Variants in TDRD5 observed in about 807,000 individuals in gnomAD.
TDRD5 encodes tudor domain containing 5.
A neutral mutation model predicts 120.6 loss-of-function variants in TDRD5; 41 were observed. The observed-to-expected ratio is 0.34, with a 90% CI of 0.26 to 0.44. The LOEUF is 0.44. TDRD5 is among the 20% of genes least tolerant of loss of function. TDRD5 has a pLI of 1.00. For missense variants in TDRD5, 1,006 were observed against 1,221.2 expected (o/e 0.82, Z 2.63); for synonymous variants, 430 against 433.7 (o/e 0.99, Z 0.11).
intron 17 of TDRD5, among the ~76,000 whole-genome samples, chr1:179,684,291 T>C (rs1680584885): frequency 6.6e-6 from 1 of 152,240 alleles, no homozygotes; most frequent in African/African-American, 2.4e-5. Context: ...AGTGAGAACA[T>C]GTGGTGTTTG....
chr1:179,622,102 T>G (rs1323411502), intron 6 of TDRD5, among the ~76,000 whole-genome samples: 1 of 152,212 alleles, frequency 6.6e-6, no homozygotes, highest in Non-Finnish European at 1.5e-5. Context: ...TTGTGAAGTT[T>G]AAATGACTTA....
chr1:179,620,090 G>T (rs1437933309), intron 5 of TDRD5, among the ~76,000 whole-genome samples: 1 of 152,146 alleles, frequency 6.6e-6, no homozygotes, highest in Non-Finnish European at 1.5e-5. Context: ...TTAAAAACAG[G>T]TTTTATAGAA....
chr1:179,679,912 A>C (rs1369410045), intron 17 of TDRD5, among the ~76,000 whole-genome samples: 1 of 152,064 alleles, frequency 6.6e-6, no homozygotes, highest in Non-Finnish European at 1.5e-5. Flanking sequence ...TTGAAACCTT[A>C]GATCATTCAT....
intron 3 of TDRD5, among the ~76,000 whole-genome samples, chr1:179,594,238 A>T (rs1351832450): frequency 6.6e-6 from 1 of 152,240 alleles, no homozygotes; most frequent in Non-Finnish European, 1.5e-5. Flanking sequence ...GAAAATGAAA[A>T]GTTAAAATAC....
chr1:179,648,851 T>C (rs1316880699), intron 11 of TDRD5, among the ~76,000 whole-genome samples: 1 of 152,188 alleles, frequency 6.6e-6, no homozygotes, highest in Non-Finnish European at 1.5e-5. Flanking sequence ...GTCAAACCCT[T>C]CGTCAGGACC....
Position 179,652,183 on chromosome 1 carries a change from G to A in TDRD5, c.2146G>A (p.Glu716Lys), listed in dbSNP as rs1386344607. ...GATAAGTCCACAGTCAAAAGAGAGTGAGTTACGTATCTTGGTAAGAGATTT... is the reference window on the plus strand; with the variant it reads ...GATAAGTCCACAGTCAAAAGAGAGTAAGTTACGTATCTTGGTAAGAGATTT... ...RKISPQSKESELRILQDINDE... is the reference protein window; with the variant it reads ...RKISPQSKESKLRILQDINDE... Residue 716 changes from glutamate (E) to lysine (K), a missense_variant, in exon 13 of 18, where the codon GAG becomes AAG. This residue lies in a region of TDRD5 where 403 missense variants were observed against 448.1 expected (regional missense o/e 0.90). Transcript: ENST00000444136. The A allele has an allele frequency of 6.2e-7, 1 of 1,607,564 alleles. No homozygotes were observed. The highest frequency in any genetic ancestry group is 8.5e-7 in the Non-Finnish European group (1 of 1,178,418).
At chr1:179,600,719 TG>T (rs1441393934) in intron 4 of TDRD5, among the ~76,000 whole-genome samples, 2 of 152,196 alleles carry the variant, frequency 1.3e-5, no homozygotes, top group African/African-American at 2.4e-5. Flanking sequence ...GTTTGGTCAT[TG>T]ATTTTGCTCC....
intron 17 of TDRD5, 33 bp downstream of exon 17, chr1:179,669,437 T>G: frequency 6.2e-7 from 1 of 1,609,730 alleles, no homozygotes; most frequent in East Asian, 2.2e-5. Context: ...ATGCTCACAG[T>G]TGACAAACAT....
intron 17 of TDRD5, among the ~76,000 whole-genome samples, chr1:179,686,620 C>T (rs371272819): frequency 1.3e-5 from 2 of 152,160 alleles, no homozygotes; most frequent in Admixed American, 6.5e-5. Flanking sequence ...AGGAATGGTA[C>T]CAGCTCCTCT....
At position 179,662,070 on chromosome 1, in the gene TDRD5, T is replaced by A. The variant is rs1027263649; in HGVS notation, c.2323-34T>A. Reference sequence around the variant, plus strand: ...TATGTGCTCATATAGGAACTATAAATGATAGTTTTTCTTTGTCTTCTGTTA... The same window carrying A: ...TATGTGCTCATATAGGAACTATAAAAGATAGTTTTTCTTTGTCTTCTGTTA... On this transcript the variant is annotated intron_variant, in intron 14 of 17. Transcript: ENST00000444136. 2.7e-6 allele frequency: 4 copies of A among 1,504,922 alleles called. No homozygotes were observed. In the African/African-American group the frequency reaches 5.7e-5, roughly 22 times the overall value. The allele number at this position is 1,504,922 out of a possible 1,614,324, so 93.2% of individuals were successfully genotyped here. A position where few individuals can be genotyped will look rare whatever the true frequency, so the allele number is the denominator to read the frequency against.
At chr1:179,640,506 A>G in intron 11 of TDRD5, 61 bp downstream of exon 11, 1 of 1,476,444 alleles carries the variant, frequency 6.8e-7, no homozygotes, top group Non-Finnish European at 9.5e-7. Flanking sequence ...TGTGCCAATA[A>G]CAGTTTCACA....
rs143085872 is a variant in TDRD5 at position 179,611,695 on chromosome 1, C to T, written c.832-6904C>T. Among the ~76,000 whole-genome samples, 149 of 152,242 alleles carry T rather than the reference C, an allele frequency of 9.8e-4. 2 individuals are homozygous for T. In the East Asian group the frequency reaches 0.023, roughly 24 times the overall value. On this transcript the variant is annotated intron_variant, in intron 4 of 17. Transcript: ENST00000444136. ...TTTAACTGTGAGAGCCAGGCAATAA[C>T]GAATGCAGAGTTGAGGACATTTGCT...
At chr1:179,608,148 G>A (rs1279753499) in intron 4 of TDRD5, among the ~76,000 whole-genome samples, 1 of 151,948 alleles carries the variant, frequency 6.6e-6, no homozygotes, top group Non-Finnish European at 1.5e-5. Flanking sequence ...GACAATGTCT[G>A]TAATAATTCT....
chr1:179,604,839 T>C (rs1675890387), intron 4 of TDRD5, among the ~76,000 whole-genome samples: 1 of 152,136 alleles, frequency 6.6e-6, no homozygotes, highest in South Asian at 2.1e-4. Context: ...TTAAATAAAA[T>C]GTGTATTCTG....
chr1:179,631,048 G>A (rs1572370684), intron 7 of TDRD5, 128 bp downstream of exon 7: 2 of 989,410 alleles, frequency 2.0e-6, no homozygotes, highest in East Asian at 5.0e-5. Context: ...GGTATTTGTT[G>A]TAATAAGGTT....
intron 17 of TDRD5, among the ~76,000 whole-genome samples, chr1:179,677,275 C>A (rs1449807666): frequency 6.6e-6 from 1 of 151,942 alleles, no homozygotes; most frequent in Non-Finnish European, 1.5e-5. Flanking sequence ...TTTTTGATTT[C>A]TTTAAGCTGG....
chr1:179,674,359 G>A (rs1456577322), intron 17 of TDRD5, among the ~76,000 whole-genome samples: 1 of 152,122 alleles, frequency 6.6e-6, no homozygotes, highest in Non-Finnish European at 1.5e-5. Flanking sequence ...ATTGACTTAT[G>A]TTAAACCATC....
At chr1:179,634,670 T>C (rs1302874358) in intron 8 of TDRD5, 41 bp downstream of exon 8, 3 of 1,550,164 alleles carry the variant, frequency 1.9e-6, no homozygotes, top group Non-Finnish European at 2.6e-6. Context: ...GATTCAGCAT[T>C]ATGGAAAGTA....
intron 12 of TDRD5, 40 bp from the exon 13 acceptor site, chr1:179,651,999 C>G: frequency 1.3e-6 from 2 of 1,596,746 alleles, no homozygotes; most frequent in Non-Finnish European, 1.7e-6. Context: ...TTCTGTTGGT[C>G]ATGTAAATTA....
Sources: gnomAD v4.1 joint callset for allele counts (sites outside exome capture counted in the v4.1 genomes callset) on GRCh38, gnomAD v4.1.1 for gene constraint, gnomAD v4.1.1 regional missense constraint, MANE v1.5 for transcripts, NCBI Gene and HGNC (gene_info 2026-07-23, HGNC 2026-07-21) for gene names.